NPNT: variants seen among roughly 807,000 people sequenced by gnomAD.
NPNT encodes preosteoblast EGF-like repeat protein with MAM domain.
Under a neutral mutation model 68.6 loss-of-function variants are expected in NPNT, and 45 were observed. That is an observed-to-expected ratio of 0.66 (90% confidence interval 0.52 to 0.84). The LOEUF is 0.84. Ranked by LOEUF, NPNT falls within the 40% of genes least tolerant of loss-of-function variation. The probability of loss-of-function intolerance (pLI) is 0.00; values close to 1 mark genes in which losing one functional copy is unlikely to be tolerated. For synonymous variants in NPNT, 233 were observed against 253.3 expected (o/e 0.92, Z 0.76); for missense variants, 672 against 714.8 (o/e 0.94, Z 0.68).
At chr4:105,915,007 G>C (rs1436172185) in intron 2 of NPNT, among the ~76,000 whole-genome samples, 1 of 152,172 alleles carries the variant, frequency 6.6e-6, no homozygotes, top group Non-Finnish European at 1.5e-5. Flanking sequence ...TAATATTTTA[G>C]AGGATAGCTG....
In NPNT at chr4:105,959,870, C is replaced by T. The variant is rs952851419; in HGVS notation, c.1345+744C>T. Among the ~76,000 whole-genome samples the T allele has an allele frequency of 4.2e-5, 6 of 144,518 alleles. No individual in the cohort carries two copies. The East Asian group carries it at 6.1e-4, about 15-fold the overall frequency. 94.8% of individuals were successfully genotyped at this position (144,518 alleles called of 152,430 possible). On this transcript the variant is annotated intron_variant, in intron 10 of 11. Coordinates refer to ENST00000379987, the MANE Select transcript of NPNT (RefSeq NM_001033047.3). ...TGTTGCCCAGGCTAGAGTGCAGTGG[C>T]GCGATCTCGGCTCACTGCAACCTCT...
rs1024999103 is a variant in NPNT, at chr4:105,897,954, T to C, written c.125T>C (p.Ile42Thr). 4 of 1,613,620 alleles carry C rather than the reference T, an allele frequency of 2.5e-6. No individual in the cohort carries two copies. The highest frequency in any genetic ancestry group is 3.4e-6 in the Non-Finnish European group (4 of 1,179,872). The change falls in exon 2 of 12, where the codon ATT (isoleucine) becomes ACT (threonine). Residue 42 changes from isoleucine (I) to threonine (T), a missense_variant. Ile to Thr is a moderately conservative substitution (Grantham distance 89). Transcript: ENST00000379987. The stretch of plus-strand genomic sequence containing the variant: ...GGCCTATGTCGTTATGGTGGGAGGA[T>C]TGACTGCTGCTGGGGCTGGGCTCGC... ...SIGLCRYGGR[I>T]DCCWGWARQS...
chr4:105,918,789 C>T (rs1159884442), intron 2 of NPNT, among the ~76,000 whole-genome samples: 2 of 152,050 alleles, frequency 1.3e-5, no homozygotes, highest in African/African-American at 2.4e-5. Flanking sequence ...ACTTATAATC[C>T]TCATCATAAT....
Position 105,943,735 on chromosome 4 carries a change from C to A in NPNT, c.1159+1033C>A, listed in dbSNP as rs572039219. On this transcript the variant is annotated intron_variant, in intron 8 of 11. Transcript: ENST00000379987. The stretch of plus-strand genomic sequence containing the variant: ...TTCCTGTCTCCTCCTTTATACATTA[C>A]CAGTTTGTTTTGTTCCTTTTCTCAT... Among the ~76,000 whole-genome samples, 7 of 152,238 alleles carry A rather than the reference C, an allele frequency of 4.6e-5. No homozygotes were observed. In the East Asian group the frequency reaches 1.4e-3, roughly 29 times the overall value.
chr4:105,944,350 T>C (rs1331281561), intron 8 of NPNT, among the ~76,000 whole-genome samples: 2 of 152,200 alleles, frequency 1.3e-5, no homozygotes, highest in Non-Finnish European at 2.9e-5. Flanking sequence ...GTAATTATGG[T>C]ATTTACATTA....
intron 2 of NPNT, among the ~76,000 whole-genome samples, chr4:105,923,733 G>T (rs566383304): frequency 4.6e-5 from 7 of 152,018 alleles, no homozygotes; most frequent in African/African-American, 9.7e-5. Flanking sequence ...GCATTCCAAA[G>T]CCCCACCCCA....
chr4:105,966,134 A>G (rs1174160250), intron 10 of NPNT, among the ~76,000 whole-genome samples: 2 of 152,266 alleles, frequency 1.3e-5, no homozygotes, highest in African/African-American at 4.8e-5. Context: ...GATTACTACC[A>G]AAATAGATAC....
At chr4:105,942,965 A>G (rs556355759) in intron 8 of NPNT, among the ~76,000 whole-genome samples, 3 of 152,384 alleles carry the variant, frequency 2.0e-5, no homozygotes, top group South Asian at 4.1e-4. Context: ...GAATTCTGAC[A>G]TAGTTGGATT....
chr4:105,942,020 A>G (rs1391677701), intron 7 of NPNT, among the ~76,000 whole-genome samples: 1 of 152,024 alleles, frequency 6.6e-6, no homozygotes, highest in African/African-American at 2.4e-5. Context: ...TTATGTTGCA[A>G]ATAATACATA....
At chr4:105,951,323 C>T (rs1186003813) in intron 8 of NPNT, among the ~76,000 whole-genome samples, 4 of 152,152 alleles carry the variant, frequency 2.6e-5, no homozygotes, top group Non-Finnish European at 5.9e-5. Flanking sequence ...TGTTATTACG[C>T]AACATGAGAC....
rs114950009 is a variant in NPNT, at chr4:105,924,232, T to C, written c.173-3104T>C. Among the ~76,000 whole-genome samples the C allele has an allele frequency of 4.9e-3, 743 of 152,280 alleles. 4 individuals carry two copies. Among genetic ancestry groups the C allele is most frequent in the African/African-American group, 0.017 (708 of 41,554 alleles). ...TATATTTTAGTTCCACAGCTAAATTTTCATACCCTCTATGACTCTCTAATC... is the reference window on the plus strand; with the variant it reads ...TATATTTTAGTTCCACAGCTAAATTCTCATACCCTCTATGACTCTCTAATC... On this transcript the variant is annotated intron_variant, in intron 2 of 11. Transcript: ENST00000379987.
At chr4:105,932,163 AACT>A (rs1358363618) in intron 3 of NPNT, among the ~76,000 whole-genome samples, 19 of 152,218 alleles carry the variant, frequency 1.2e-4, no homozygotes, top group Admixed American at 4.6e-4. Context: ...GAGTATTTTA[AACT>A]ACTATTGTAC....
chr4:105,924,004 C>A (rs1482368735), intron 2 of NPNT, among the ~76,000 whole-genome samples: 1 of 151,986 alleles, frequency 6.6e-6, no homozygotes, highest in Non-Finnish European at 1.5e-5. Context: ...CACGAGAACA[C>A]TTTGCACTCA....
intron 2 of NPNT, among the ~76,000 whole-genome samples, chr4:105,909,357 G>T (rs1727171078): frequency 6.6e-6 from 1 of 152,112 alleles, no homozygotes; most frequent in African/African-American, 2.4e-5. Context: ...TTGTGTCTTG[G>T]TGTCTATGTA....
chr4:105,958,413 T>C, intron 8 of NPNT, 58 bp from the exon 9 acceptor site: 1 of 979,458 alleles, frequency 1.0e-6, no homozygotes, highest in East Asian at 2.5e-5. Context: ...AGGTAATGCC[T>C]CTTTATCAAT....
Position 105,895,542 on chromosome 4 carries a change from G to A in NPNT, c.-111G>A, listed in dbSNP as rs571441739. 3.5e-6 allele frequency: 3 copies of A among 865,584 alleles called. No individual in the cohort carries two copies. The highest frequency in any genetic ancestry group is 5.3e-6 in the Non-Finnish European group (3 of 568,880). The allele number at this position is 865,584 out of a possible 1,614,324, so 53.6% of individuals were successfully genotyped here. A position where few individuals can be genotyped will look rare whatever the true frequency, so the allele number is the denominator to read the frequency against. ...GAGCGGCAGCAGTAGCCCGGGCGGC[G>A]AGGGCTGGGGGTTCCTCGAGACTCT... On this transcript the variant is annotated 5_prime_UTR_variant, in exon 1 of 12. Coordinates refer to ENST00000379987, the MANE Select transcript of NPNT (RefSeq NM_001033047.3).
intron 3 of NPNT, among the ~76,000 whole-genome samples, chr4:105,936,676 C>G (rs1729519193): frequency 6.6e-6 from 1 of 152,144 alleles, no homozygotes; most frequent in African/African-American, 2.4e-5. Flanking sequence ...TATTGGCAAA[C>G]AGTTGTTAGC....
intron 8 of NPNT, among the ~76,000 whole-genome samples, chr4:105,945,929 A>C (rs540254117): frequency 2.6e-5 from 4 of 152,336 alleles, no homozygotes; most frequent in Non-Finnish European, 4.4e-5. Context: ...ATTTAAGGCA[A>C]ATTTTTTACT....
intron 8 of NPNT, among the ~76,000 whole-genome samples, chr4:105,948,386 G>A (rs1730551883): frequency 6.6e-6 from 1 of 152,100 alleles, no homozygotes; most frequent in African/African-American, 2.4e-5. Context: ...TATTTATGAG[G>A]TACATCACTT....
Sources: allele counts gnomAD v4.1 joint callset (sites outside exome capture counted in the v4.1 genomes callset), GRCh38; gene constraint gnomAD v4.1.1; transcripts MANE v1.5; gene names NCBI Gene and HGNC (gene_info 2026-07-23, HGNC 2026-07-21).